Variants in BAD observed in about 807,000 individuals in gnomAD.
The protein encoded by BAD is BCL2 associated agonist of cell death.
In BAD, 18 loss-of-function variants were observed where a neutral mutation model predicts 17.8. The ratio of observed to expected loss-of-function variants is 1.01; its 90% confidence interval spans 0.70 to 1.50. The LOEUF is 1.50. BAD is among the 40% of genes most tolerant of loss of function. The probability of loss-of-function intolerance (pLI) is 0.00; values close to 1 mark genes in which losing one functional copy is unlikely to be tolerated. For synonymous variants in BAD, 112 were observed against 91.5 expected (o/e 1.22, Z -1.28); for missense variants, 294 against 239.3 (o/e 1.23, Z -1.51).
chr11:64,278,015 T>C (rs1222527563), intron 2 of BAD, among the ~76,000 whole-genome samples: 1 of 152,158 alleles, frequency 6.6e-6, no homozygotes, highest in Non-Finnish European at 1.5e-5. Context: ...AGGCCCAATG[T>C]GGTGGCTCAT....
Position 64,271,771 on chromosome 11 carries a change from T to G in BAD, c.220A>C (p.Ser74Arg). Residue 74 changes from serine to arginine, a missense_variant, in exon 3 of 4, where the codon AGC (serine) becomes CGC (arginine). Transcript: ENST00000309032. ...AGAVEIRSRH[S>R]SYPAGTEDDE... ...TCCTCCGTCCCCGCGGGGTAGGAGC[T>G]GTGGCGACTCCGGATCTCCACAGCC... 1 of 1,390,936 alleles carries G rather than the reference T, an allele frequency of 7.2e-7. No individual in the cohort carries two copies. The highest frequency in any genetic ancestry group is 1.5e-5 in the African/African-American group (1 of 65,722). The allele number at this position is 1,390,936 out of a possible 1,614,324, so 86.2% of individuals were successfully genotyped here.
intron 2 of BAD, among the ~76,000 whole-genome samples, chr11:64,282,267 G>A (rs942564683): frequency 6.6e-6 from 1 of 152,190 alleles, no homozygotes; most frequent in Non-Finnish European, 1.5e-5. Flanking sequence ...GGGGAAGTTT[G>A]TGAGCAGAAA....
intron 2 of BAD, among the ~76,000 whole-genome samples, chr11:64,281,977 C>A (rs2033507311): frequency 6.6e-6 from 1 of 152,194 alleles, no homozygotes; most frequent in African/African-American, 2.4e-5. Flanking sequence ...CCTAGGCCTC[C>A]CAAAGTGTTG....
intron 2 of BAD, among the ~76,000 whole-genome samples, chr11:64,273,145 G>A (rs2032767148): frequency 6.6e-6 from 1 of 151,668 alleles, no homozygotes; most frequent in African/African-American, 2.4e-5. Context: ...AAGGCAGGTG[G>A]ATCACCTGAG....
intron 3 of BAD, 99 bp from the exon 4 acceptor site, chr11:64,270,436 G>A (rs564057233): frequency 1.4e-6 from 2 of 1,438,018 alleles, no homozygotes; most frequent in East Asian, 2.3e-5. Flanking sequence ...AGATCGGGGG[G>A]GAGATAATGA....
intron 2 of BAD, among the ~76,000 whole-genome samples, chr11:64,275,220 G>A (rs1014235968): frequency 3.3e-5 from 5 of 151,870 alleles, no homozygotes; most frequent in Non-Finnish European, 7.4e-5. Context: ...ACAGCCAGGC[G>A]TGGCGGCTCA....
At chr11:64,276,248 A>G (rs2033042594) in intron 2 of BAD, 1 of 152,048 alleles carries the variant, frequency 6.6e-6, no homozygotes, top group African/African-American at 2.4e-5. Flanking sequence ...TGAATTATAT[A>G]TATGTAAATA....
chr11:64,270,891 G>A (rs2032459276), intron 3 of BAD, among the ~76,000 whole-genome samples: 2 of 130,090 alleles, frequency 1.5e-5, no homozygotes, highest in Non-Finnish European at 3.3e-5. Context: ...ATCCCAGCAT[G>A]CCCTGTGAGA....
At position 64,270,105 on chromosome 11, in the gene BAD, G is replaced by A. The variant is rs758348141; in HGVS notation, c.*104C>T. On this transcript the variant is annotated 3_prime_UTR_variant, in exon 4 of 4. Coordinates refer to ENST00000309032, the MANE Select transcript of BAD (RefSeq NM_032989.3). Reference sequence around the variant, plus strand: ...GCCCTCCCTCCAAAGGAGACAGCACGGATCCTCTTTTTGCATAGGCCTGAG... The same window carrying A: ...GCCCTCCCTCCAAAGGAGACAGCACAGATCCTCTTTTTGCATAGGCCTGAG... 14 of 1,559,386 alleles carry A rather than the reference G, an allele frequency of 9.0e-6. No individual in the cohort carries two copies. Among genetic ancestry groups the A allele is most frequent in the Admixed American group, 7.2e-5 (4 of 55,322 alleles).
At chr11:64,281,558 G>T (rs1233377622) in intron 2 of BAD, among the ~76,000 whole-genome samples, 1 of 152,144 alleles carries the variant, frequency 6.6e-6, no homozygotes, top group African/African-American at 2.4e-5. Flanking sequence ...GCCCACCCTA[G>T]CCAGGAGCAG....
intron 2 of BAD, among the ~76,000 whole-genome samples, chr11:64,277,994 C>T (rs2033182834): frequency 6.6e-6 from 1 of 152,050 alleles, no homozygotes; most frequent in African/African-American, 2.4e-5. Flanking sequence ...TTGTCCATAA[C>T]TTAAAAATAT....
chr11:64,278,808 A>G (rs907417794), intron 2 of BAD, among the ~76,000 whole-genome samples: 2 of 152,188 alleles, frequency 1.3e-5, no homozygotes, highest in Non-Finnish European at 2.9e-5. Flanking sequence ...GGTGGCAGGG[A>G]CTATGAGGAG....
chr11:64,274,637 A>C lies in BAD; in HGVS notation c.188-2834T>G, dbSNP rs538008707. On this transcript the variant is annotated intron_variant, in intron 2 of 3. Transcript: ENST00000309032. ...GGAGTTCGAGACCAGCCTGACCCAC[A>C]TGGTGAAACCCTGTCTCTACTAAAA... 1.6e-4 allele frequency among the ~76,000 whole-genome samples: 25 copies of C among 152,290 alleles called. 1 individual carries two copies. In the South Asian group the frequency reaches 5.2e-3, roughly 32 times the overall value.
chr11:64,276,837 C>G (rs575997979), intron 2 of BAD: 1 of 713,498 alleles, frequency 1.4e-6, no homozygotes, highest in Admixed American at 2.0e-5. Context: ...GAGCCTGGCC[C>G]GGAGCTGGGT....
intron 2 of BAD, chr11:64,272,615 C>T (rs575144072): frequency 9.2e-5 from 14 of 152,252 alleles, no homozygotes; most frequent in Admixed American, 4.6e-4. Flanking sequence ...GGTGCACTTA[C>T]GTGTAGGCCG....
At chr11:64,274,992 CAAAAAAAAA>C (rs34418386) in intron 2 of BAD, among the ~76,000 whole-genome samples, 5 of 54,406 alleles carry the variant, frequency 9.2e-5, no homozygotes, top group African/African-American at 2.8e-4. Flanking sequence ...GACTTTGTCT[CAAAAAAAAA>C]AAAAAAAAAA....
At chr11:64,271,894 GC>G in intron 2 of BAD, 91 bp from the exon 3 acceptor site, 1 of 1,107,704 alleles carries the variant, frequency 9.0e-7, no homozygotes, top group Non-Finnish European at 1.2e-6. Flanking sequence ...AGCTCTGCAG[GC>G]CCACTCGTGG....
intron 2 of BAD, among the ~76,000 whole-genome samples, chr11:64,276,017 A>T (rs1260367032): frequency 6.6e-6 from 1 of 152,062 alleles, no homozygotes; most frequent in Non-Finnish European, 1.5e-5. Flanking sequence ...TCCCAACCCA[A>T]CCAATGTGGC....
chr11:64,281,602 T>C (rs2033475941), intron 2 of BAD, among the ~76,000 whole-genome samples: 1 of 152,174 alleles, frequency 6.6e-6, no homozygotes, highest in Admixed American at 6.5e-5. Context: ...TCTGCCCTTC[T>C]CTCTGCCTGG....
Sources: allele counts gnomAD v4.1 joint callset (sites outside exome capture counted in the v4.1 genomes callset), GRCh38; gene constraint gnomAD v4.1.1; transcripts MANE v1.5; gene names NCBI Gene and HGNC (gene_info 2026-07-23, HGNC 2026-07-21).